Variants in PRKG1 observed in about 807,000 individuals in gnomAD.
PRKG1 encodes cGMP-dependent protein kinase 1.
In PRKG1, 35 loss-of-function variants were observed where a neutral mutation model predicts 88.1. That is an observed-to-expected ratio of 0.40 (90% confidence interval 0.30 to 0.53). PRKG1 has a LOEUF of 0.53. PRKG1 is among the 20% of genes least tolerant of loss of function. The pLI is 0.59. For synonymous variants in PRKG1, 303 were observed against 292.5 expected, an observed-to-expected ratio of 1.04 and a Z score of -0.37; for missense variants, 540 against 839.8, an observed-to-expected ratio of 0.64 and a Z score of 4.41.
In PRKG1 at chr10:52,272,493, A is replaced by T; in HGVS notation, c.1403+12A>T. The T allele has an allele frequency of 6.4e-7, 1 of 1,572,644 alleles. No individual in the cohort carries two copies. Among genetic ancestry groups the T allele is most frequent in the Non-Finnish European group, 8.7e-7 (1 of 1,145,492 alleles). On this transcript the variant is annotated intron_variant, in intron 12 of 17. Coordinates refer to ENST00000373980, the MANE Select transcript of PRKG1 (RefSeq NM_006258.4). Reference sequence around the variant, plus strand: ...ATTCTCAGGGATAGGTAGGAGATTTAAGAAATTTCTATGATATCTCTAAAA... The same window carrying T: ...ATTCTCAGGGATAGGTAGGAGATTTTAGAAATTTCTATGATATCTCTAAAA...
At chr10:51,380,320 A>G (rs1837046633) in intron 2 of PRKG1, among the ~76,000 whole-genome samples, 1 of 152,204 alleles carries the variant, frequency 6.6e-6, no homozygotes, top group Non-Finnish European at 1.5e-5. Flanking sequence ...TACACCATGG[A>G]AATTGGCAAA....
intron 2 of PRKG1, among the ~76,000 whole-genome samples, chr10:51,456,091 G>A (rs1839576533): frequency 1.3e-5 from 2 of 152,294 alleles, no homozygotes; most frequent in South Asian, 4.1e-4. Flanking sequence ...CATGATCATG[G>A]TGAAAGTGAA....
chr10:51,614,735 T>C (rs1483342932), intron 3 of PRKG1, among the ~76,000 whole-genome samples: 2 of 152,080 alleles, frequency 1.3e-5, no homozygotes, highest in Admixed American at 6.6e-5. Context: ...TGTGTTTTCA[T>C]GATGGTAAAT....
At chr10:51,865,172 T>A (rs1840982836) in intron 4 of PRKG1, among the ~76,000 whole-genome samples, 1 of 152,116 alleles carries the variant, frequency 6.6e-6, no homozygotes, top group African/African-American at 2.4e-5. Flanking sequence ...ATGCGTATAG[T>A]GAAAATATTG....
chr10:51,122,038 G>C (rs1845271849), intron 1 of PRKG1, among the ~76,000 whole-genome samples: 1 of 152,106 alleles, frequency 6.6e-6, no homozygotes, highest in African/African-American at 2.4e-5. Context: ...ACCTTCTGCT[G>C]TACCCCTAGC....
intron 11 of PRKG1, 32 bp downstream of exon 11, chr10:52,271,521 C>T (rs768703903): frequency 1.3e-6 from 2 of 1,597,966 alleles, no homozygotes; most frequent in Non-Finnish European, 1.7e-6. Flanking sequence ...CAGACGTACC[C>T]AACTCCAAGT....
intron 2 of PRKG1, among the ~76,000 whole-genome samples, chr10:51,277,316 T>A (rs565568314): frequency 6.6e-5 from 10 of 152,230 alleles, no homozygotes; most frequent in Admixed American, 2.0e-4. Context: ...GTTCCATTGG[T>A]CTATAGCTCT....
intron 3 of PRKG1, among the ~76,000 whole-genome samples, chr10:51,622,164 C>T (rs1374315687): frequency 6.6e-6 from 1 of 152,132 alleles, no homozygotes; most frequent in African/African-American, 2.4e-5. Context: ...AGCATATATA[C>T]CATGCCTCTC....
chr10:51,282,922 G>A (rs1840338895), intron 2 of PRKG1, among the ~76,000 whole-genome samples: 1 of 152,148 alleles, frequency 6.6e-6, no homozygotes, highest in Admixed American at 6.5e-5. Context: ...TTGTGTGATT[G>A]ATGTTGAGGT....
rs113283651 is a variant in PRKG1, at chr10:51,487,936, G to T, written c.592+20100G>T. The stretch of plus-strand genomic sequence containing the variant: ...AACTGAGGATTTCAACTATGTTAAC[G>T]TAGTTTTAAAAATAGACAATCAGCT... On this transcript the variant is annotated intron_variant, in intron 3 of 17. Coordinates refer to ENST00000373980, the MANE Select transcript of PRKG1 (RefSeq NM_006258.4). Among the ~76,000 whole-genome samples, 1,298 of 152,216 alleles carry T rather than the reference G, an allele frequency of 8.5e-3. 12 individuals are homozygous for T. The highest frequency in any genetic ancestry group is 0.03 in the African/African-American group (1,226 of 41,544).
chr10:51,019,653 T>G (rs1321430260), intron 1 of PRKG1, among the ~76,000 whole-genome samples: 1 of 151,510 alleles, frequency 6.6e-6, no homozygotes, highest in Non-Finnish European at 1.5e-5. Context: ...TTGGACTTCA[T>G]GAAAATTAAA....
chr10:52,023,730 G>T (rs779963429), intron 5 of PRKG1, among the ~76,000 whole-genome samples: 1 of 152,142 alleles, frequency 6.6e-6, no homozygotes, highest in South Asian at 2.1e-4. Flanking sequence ...AGAAGTGTCT[G>T]TTCATATCCT....
chr10:52,105,184 A>C (rs2132575504), intron 7 of PRKG1, among the ~76,000 whole-genome samples: 1 of 151,528 alleles, frequency 6.6e-6, no homozygotes, highest in African/African-American at 2.4e-5. Flanking sequence ...AAATTAAGAG[A>C]CAACTGTTTT....
At chr10:51,376,600 A>G (rs538355570) in intron 2 of PRKG1, among the ~76,000 whole-genome samples, 23 of 152,298 alleles carry the variant, frequency 1.5e-4, no homozygotes, top group Admixed American at 1.4e-3. Flanking sequence ...GGACATTAAC[A>G]TTTTATGAAG....
intron 6 of PRKG1, among the ~76,000 whole-genome samples, chr10:52,058,923 T>A (rs1283238204): frequency 6.6e-6 from 1 of 151,774 alleles, no homozygotes; most frequent in Non-Finnish European, 1.5e-5. Context: ...TTTGTATTGA[T>A]CCTATCCTTT....
At chr10:51,332,695 C>T (rs1588849719) in intron 2 of PRKG1, among the ~76,000 whole-genome samples, 1 of 152,142 alleles carries the variant, frequency 6.6e-6, no homozygotes, top group Non-Finnish European at 1.5e-5. Flanking sequence ...CTACTGTTCA[C>T]TGAATCGATT....
chr10:51,140,962 C>T (rs888194382), intron 1 of PRKG1, among the ~76,000 whole-genome samples: 4 of 152,186 alleles, frequency 2.6e-5, no homozygotes, highest in African/African-American at 9.7e-5. Flanking sequence ...TTGTTCCATC[C>T]AGCTGCCTCA....
At chr10:51,589,840 A>G (rs1334631636) in intron 3 of PRKG1, among the ~76,000 whole-genome samples, 2 of 152,236 alleles carry the variant, frequency 1.3e-5, no homozygotes, top group Admixed American at 1.3e-4. Context: ...AATTAATTCT[A>G]GTAGAACTTA....
chr10:51,587,423 CA>C (rs2132199962), intron 3 of PRKG1, among the ~76,000 whole-genome samples: 1 of 152,218 alleles, frequency 6.6e-6, no homozygotes, highest in East Asian at 1.9e-4. Context: ...ACTCCTTACC[CA>C]AAGCCAAGTG....
Sources: allele counts gnomAD v4.1 joint callset (sites outside exome capture counted in the v4.1 genomes callset), GRCh38; gene constraint gnomAD v4.1.1; transcripts MANE v1.5; gene names NCBI Gene and HGNC (gene_info 2026-07-23, HGNC 2026-07-21).